The following GNAS variants were observed in gnomAD, a reference collection of about 807,000 sequenced individuals.
GNAS encodes protein ALEX.
Under a neutral mutation model 54.5 loss-of-function variants are expected in GNAS, and 8 were observed. That is an observed-to-expected ratio of 0.15 (90% CI 0.09 to 0.26). GNAS has a LOEUF of 0.26. Among genes scored for constraint, GNAS ranks in the 10% least tolerant of loss-of-function variants. GNAS has a pLI of 1.00. For synonymous variants in GNAS, 204 were observed against 191.4 expected, an observed-to-expected ratio of 1.07 and a Z score of -0.54; for missense variants, 170 against 529.8, an observed-to-expected ratio of 0.32 and a Z score of 6.67.
chr20:58,868,169 C>G (rs371483548), intron 1 of GNAS, among the ~76,000 whole-genome samples: 6 of 152,030 alleles, frequency 3.9e-5, no homozygotes, highest in Admixed American at 3.9e-4. Flanking sequence ...TACAGGCGCA[C>G]GCCACCACAC....
chr20:58,901,355 C>G (rs931652183), intron 3 of GNAS, among the ~76,000 whole-genome samples: 33 of 152,214 alleles, frequency 2.2e-4, no homozygotes, highest in African/African-American at 8.0e-4. Context: ...ACAAAGCAGA[C>G]AGTCGCACAG....
chr20:58,909,962 C>G lies in GNAS; in HGVS notation c.851C>G (p.Thr284Ser). ...KSIWNNRWLR[T>S]ISVILFLNKQ... is the part of the protein sequence containing the mutation. The stretch of plus-strand genomic sequence containing the variant: ...CTCCCTTCTTGTAGATGGCTGCGCA[C>G]CATCTCTGTGATCCTGTTCCTCAAC... The change falls in exon 11 of 13, where the codon ACC (threonine) becomes AGC (serine). Residue 284 changes from threonine (T) to serine (S), a missense_variant. By Grantham distance (58) the Thr-to-Ser change is moderately conservative. Transcript: ENST00000371085. The surrounding 1 kb of genome is among the most constrained non-coding windows in gnomAD (Gnocchi z 7.3). 1 of 1,614,024 alleles carries G rather than the reference C, an allele frequency of 6.2e-7. No individual in the cohort carries two copies. Among genetic ancestry groups the G allele is most frequent in the Non-Finnish European group, 8.5e-7 (1 of 1,179,848 alleles).
At chr20:58,852,326 AG>A (rs932091789) in intron 1 of GNAS, among the ~76,000 whole-genome samples, 12 of 152,050 alleles carry the variant, frequency 7.9e-5, no homozygotes, top group African/African-American at 2.4e-4. Flanking sequence ...AGCAGCAAAA[AG>A]TACACCCAAG....
intron 1 of GNAS, among the ~76,000 whole-genome samples, chr20:58,894,755 G>C (rs1322294013): frequency 1.3e-5 from 2 of 152,196 alleles, no homozygotes; most frequent in African/African-American, 4.8e-5. Context: ...TTCAAATTCA[G>C]TACTTCCCAG....
At chr20:58,905,725 AATG>A (rs2090998259) in intron 6 of GNAS, among the ~76,000 whole-genome samples, 4 of 152,220 alleles carry the variant, frequency 2.6e-5, no homozygotes, top group African/African-American at 9.7e-5. Context: ...GTTAGAGCAA[AATG>A]ATGATGAGTT....
At chr20:58,906,595 G>C (rs555800708) in intron 6 of GNAS, among the ~76,000 whole-genome samples, 71 of 152,200 alleles carry the variant, frequency 4.7e-4, no homozygotes, top group African/African-American at 1.6e-3. Flanking sequence ...GCAGTGGTGC[G>C]ACCTTGGCTC....
chr20:58,840,737 A>G (rs1568908679), upstream of GNAS: 2 of 1,605,218 alleles, frequency 1.2e-6, no homozygotes, highest in East Asian at 4.5e-5. The surrounding 1 kb of genome is among the most constrained non-coding windows in gnomAD (Gnocchi z 6.0). Flanking sequence ...GAAGGAGCCC[A>G]AGGAGGAGAA....
At chr20:58,888,930 G>A, upstream of GNAS, 1 of 225,774 alleles carries the variant, frequency 4.4e-6, no homozygotes, top group South Asian at 1.6e-4. Flanking sequence ...GGGGTTGAGC[G>A]CCCACCGCCT....
intron 1 of GNAS, chr20:58,854,636 G>C (rs1381016689): frequency 2.2e-5 from 33 of 1,532,658 alleles, no homozygotes; most frequent in Non-Finnish European, 2.7e-5. Context: ...ACTCCGGGGC[G>C]GCCCCTGACG....
chr20:58,855,761 C>G (rs1020288856), intron 1 of GNAS: 1 of 617,980 alleles, frequency 1.6e-6, no homozygotes, highest in African/African-American at 1.9e-5. Context: ...TCGCCTGGCA[C>G]GGCTGCTTGG....
intron 1 of GNAS, among the ~76,000 whole-genome samples, chr20:58,893,441 G>T (rs1472546470): frequency 6.6e-6 from 1 of 152,056 alleles, no homozygotes; most frequent in Admixed American, 6.5e-5. Context: ...AATTTGCTAG[G>T]TTAAGACCTA....
chr20:58,852,270 T>C (rs2086208045), intron 1 of GNAS, among the ~76,000 whole-genome samples: 1 of 152,118 alleles, frequency 6.6e-6, no homozygotes, highest in African/African-American at 2.4e-5. Flanking sequence ...GGGTGGGGGC[T>C]GTTAAAGTGC....
intron 3 of GNAS, among the ~76,000 whole-genome samples, chr20:58,901,085 G>A (rs188481335): frequency 7.9e-5 from 12 of 152,270 alleles, no homozygotes; most frequent in African/African-American, 2.4e-4. Context: ...TTTAGTACCC[G>A]AATGTATTTA....
chr20:58,867,718 G>A (rs1272531891), intron 1 of GNAS: 2 of 152,192 alleles, frequency 1.3e-5, no homozygotes, highest in African/African-American at 4.8e-5. Context: ...TGAAAGTATT[G>A]ACAAGGCCCC....
intron 1 of GNAS, among the ~76,000 whole-genome samples, chr20:58,868,488 C>T (rs556386234): frequency 2.6e-5 from 4 of 152,066 alleles, no homozygotes; most frequent in Admixed American, 2.6e-4. Context: ...TCTTGATTCC[C>T]CAGAGTTAGG....
At chr20:58,903,315 A>C in intron 3 of GNAS, 3 of 645,068 alleles carry the variant, frequency 4.7e-6, no homozygotes, top group East Asian at 2.8e-5. Flanking sequence ...GCAATTTGCT[A>C]ATCTGCCCCG....
intron 1 of GNAS, among the ~76,000 whole-genome samples, chr20:58,843,165 C>T (rs2145487502): frequency 6.6e-6 from 1 of 152,000 alleles, no homozygotes; most frequent in Admixed American, 6.5e-5. Context: ...TGTTACCTAC[C>T]GGCACACACT....
At chr20:58,881,741 A>G (rs1021923172) in intron 1 of GNAS, 1 of 152,122 alleles carries the variant, frequency 6.6e-6, no homozygotes. Context: ...CATACCTTCC[A>G]TATGTGAAGG....
chr20:58,864,466 C>T (rs188488962), intron 1 of GNAS, among the ~76,000 whole-genome samples: 34 of 152,126 alleles, frequency 2.2e-4, no homozygotes, highest in Non-Finnish European at 3.2e-4. Flanking sequence ...AAATCATTGA[C>T]GTCATTCAGG....
Sources: gnomAD v4.1 joint callset for allele counts (sites outside exome capture counted in the v4.1 genomes callset) on GRCh38, gnomAD v4.1.1 for gene constraint, Gnocchi (gnomAD v3.1) non-coding constraint, MANE v1.5 for transcripts, NCBI Gene and HGNC (gene_info 2026-07-23, HGNC 2026-07-21) for gene names.